CCSER1: variants seen among roughly 807,000 people sequenced by gnomAD.
The protein encoded by CCSER1 is serine-rich coiled-coil domain-containing protein 1.
CCSER1 carries 41 observed loss-of-function variants against 82.0 expected under a neutral mutation model. The ratio of observed to expected loss-of-function variants is 0.50; its 90% CI spans 0.39 to 0.65. CCSER1 has a LOEUF of 0.65. Among genes scored for constraint, CCSER1 ranks in the 30% least tolerant of loss-of-function variants. CCSER1 has a pLI of 0.00. For missense variants in CCSER1, 1,119 were observed against 1,064.2 expected (o/e 1.05, Z -0.72); for synonymous variants, 414 against 383.9 (o/e 1.08, Z -0.92).
At chr4:91,257,710 A>G (rs556367402) in intron 10 of CCSER1, among the ~76,000 whole-genome samples, 2 of 152,234 alleles carry the variant, frequency 1.3e-5, no homozygotes, top group East Asian at 3.9e-4. Flanking sequence ...AAATTTAGTT[A>G]TTTGTGAAGA....
chr4:90,319,371 C>G (rs1008511920), intron 3 of CCSER1, among the ~76,000 whole-genome samples: 3 of 152,046 alleles, frequency 2.0e-5, no homozygotes, highest in Non-Finnish European at 4.4e-5. Context: ...AACAAGACAG[C>G]CTGGGTGCAG....
intron 1 of CCSER1, among the ~76,000 whole-genome samples, chr4:90,251,729 T>A (rs1342515575): frequency 6.6e-6 from 1 of 151,798 alleles, no homozygotes; most frequent in Non-Finnish European, 1.5e-5. Flanking sequence ...ATTTTGGTAG[T>A]TTACATCTTT....
At chr4:90,176,411 C>T (rs543964437) in intron 1 of CCSER1, among the ~76,000 whole-genome samples, 3 of 152,112 alleles carry the variant, frequency 2.0e-5, no homozygotes, top group Admixed American at 2.0e-4. Context: ...CAGACCATGG[C>T]TTGTCAATGA....
chr4:91,085,115 T>C (rs1337470698), intron 9 of CCSER1, among the ~76,000 whole-genome samples: 4 of 152,026 alleles, frequency 2.6e-5, no homozygotes, highest in African/African-American at 4.8e-5. Flanking sequence ...CACTTTTTTT[T>C]TTTTACCTTA....
intron 7 of CCSER1, among the ~76,000 whole-genome samples, chr4:90,788,865 C>A (rs184141030): frequency 6.6e-6 from 1 of 152,124 alleles, no homozygotes; most frequent in Non-Finnish European, 1.5e-5. Flanking sequence ...TAGTTCTCTG[C>A]CTAGTTATGT....
chr4:91,373,043 T>C (rs114241750), intron 10 of CCSER1, among the ~76,000 whole-genome samples: 2,981 of 152,290 alleles, frequency 0.02, 77 homozygotes, highest in African/African-American at 0.067. Flanking sequence ...GTTTGTGTTT[T>C]TGACCTGCAG....
chr4:91,004,100 C>T (rs1738290589), intron 9 of CCSER1, among the ~76,000 whole-genome samples: 1 of 152,176 alleles, frequency 6.6e-6, no homozygotes, highest in Non-Finnish European at 1.5e-5. Context: ...CAGGAGCAAT[C>T]CACTTCCTTC....
chr4:91,188,642 T>A (rs573923352), intron 10 of CCSER1, among the ~76,000 whole-genome samples: 19 of 152,200 alleles, frequency 1.2e-4, no homozygotes, highest in Non-Finnish European at 1.5e-4. Context: ...GTCTCAGTCA[T>A]GTTCGCTGGT....
At chr4:90,942,597 C>T (rs1034096920) in intron 9 of CCSER1, among the ~76,000 whole-genome samples, 8 of 151,582 alleles carry the variant, frequency 5.3e-5, no homozygotes, top group African/African-American at 1.9e-4. Flanking sequence ...CTTGTGGTCA[C>T]GTTATATATG....
At chr4:91,165,641 A>C (rs1405497328) in intron 10 of CCSER1, among the ~76,000 whole-genome samples, 1 of 152,110 alleles carries the variant, frequency 6.6e-6, no homozygotes, top group Non-Finnish European at 1.5e-5. Flanking sequence ...GCAATGGCAG[A>C]CGCCCCTCCC....
intron 1 of CCSER1, among the ~76,000 whole-genome samples, chr4:90,290,942 G>A (rs775713551): frequency 2.7e-4 from 37 of 138,582 alleles, no homozygotes; most frequent in Non-Finnish European, 4.9e-4. Context: ...TATAATTTCC[G>A]AATTTGTCTT....
chr4:90,632,345 T>C (rs1159778130), intron 6 of CCSER1, among the ~76,000 whole-genome samples: 1 of 152,070 alleles, frequency 6.6e-6, no homozygotes, highest in Non-Finnish European at 1.5e-5. Flanking sequence ...TTGGGTTTAA[T>C]AAAAATTTTC....
intron 7 of CCSER1, among the ~76,000 whole-genome samples, chr4:90,812,415 G>A (rs1401139511): frequency 6.6e-6 from 1 of 152,158 alleles, no homozygotes; most frequent in African/African-American, 2.4e-5. Flanking sequence ...TAGAGGCCAT[G>A]GATGTGGATA....
At chr4:91,114,717 A>G (rs1726399002) in intron 10 of CCSER1, among the ~76,000 whole-genome samples, 2 of 152,216 alleles carry the variant, frequency 1.3e-5, no homozygotes, top group Admixed American at 6.5e-5. Context: ...GCTTCTCCTT[A>G]TATTTTACAG....
At chr4:90,925,201 A>T (rs1728906914) in intron 9 of CCSER1, among the ~76,000 whole-genome samples, 1 of 152,172 alleles carries the variant, frequency 6.6e-6, no homozygotes, top group Non-Finnish European at 1.5e-5. Flanking sequence ...ATCATACAAC[A>T]CAGGGACTAC....
intron 10 of CCSER1, among the ~76,000 whole-genome samples, chr4:91,403,176 T>C (rs573315921): frequency 6.6e-6 from 1 of 152,318 alleles, no homozygotes; most frequent in East Asian, 1.9e-4. Flanking sequence ...GGGAGTTCAC[T>C]CATGGTTTGG....
intron 10 of CCSER1, among the ~76,000 whole-genome samples, chr4:91,218,102 C>T (rs111345854): frequency 0.058 from 8,826 of 152,230 alleles, 502 homozygotes; most frequent in African/African-American, 0.15. Context: ...CTGCAGGTCC[C>T]GAGCCCTGCC....
rs74924529 is a variant in CCSER1, at chr4:90,991,072, A to G, written c.2172+67625A>G. 7.5e-3 allele frequency among the ~76,000 whole-genome samples: 1,146 copies of G among 151,814 alleles called. 9 individuals are homozygous for G. The highest frequency in any genetic ancestry group is 0.027 in the African/African-American group (1,105 of 41,452). On this transcript the variant is annotated intron_variant, in intron 9 of 10. Transcript: ENST00000509176. ...TTGCCTTTTTAACACGCAGTCAGGTAGTATTGTGAGGAAATGATCCACAGG... is the reference window on the plus strand; with the variant it reads ...TTGCCTTTTTAACACGCAGTCAGGTGGTATTGTGAGGAAATGATCCACAGG...
At chr4:91,245,322 G>A (rs778798707) in intron 10 of CCSER1, among the ~76,000 whole-genome samples, 57 of 152,084 alleles carry the variant, frequency 3.7e-4, no homozygotes, top group Admixed American at 2.8e-3. Context: ...GGTTTAACTC[G>A]AAGAAGACTA....
Sources: gnomAD v4.1 joint callset for allele counts (sites outside exome capture counted in the v4.1 genomes callset) on GRCh38, gnomAD v4.1.1 for gene constraint, MANE v1.5 for transcripts, NCBI Gene and HGNC (gene_info 2026-07-23, HGNC 2026-07-21) for gene names.